PRDM10: variants seen among roughly 807,000 people sequenced by gnomAD.
PRDM10 encodes the protein PR domain zinc finger protein 10.
PRDM10 carries 65 observed loss-of-function variants against 133.1 expected under a neutral mutation model. That is an observed-to-expected ratio of 0.49 (90% CI 0.40 to 0.60). PRDM10 has a LOEUF of 0.60. Ranked by LOEUF, PRDM10 falls within the 20% of genes least tolerant of loss-of-function variation. PRDM10 has a pLI of 0.00. For synonymous variants in PRDM10, 582 were observed against 580.4 expected (o/e 1.00, Z -0.04); for missense variants, 1,137 against 1,507.1 (o/e 0.75, Z 4.07).
rs528492234 is a variant in PRDM10, at chr11:129,937,747, C to T, written c.967-77G>A. On this transcript the variant is annotated intron_variant, in intron 7 of 20. Transcript: ENST00000360871. ...TTGCATGCTTAAATTATTTCTCCTG[C>T]TTACAGGAAACAATTCAGGCTTTTC... The T allele has an allele frequency of 4.8e-5, 64 of 1,321,982 alleles. 1 individual carries two copies. The South Asian group carries it at 7.9e-4, about 16-fold the overall frequency. 81.9% of individuals were successfully genotyped at this position (1,321,982 alleles called of 1,614,324 possible). A position where few individuals can be genotyped will look rare whatever the true frequency, so the allele number is the denominator to read the frequency against.
At chr11:129,939,476 G>C (rs1951139776) in intron 7 of PRDM10, among the ~76,000 whole-genome samples, 1 of 152,092 alleles carries the variant, frequency 6.6e-6, no homozygotes, top group Non-Finnish European at 1.5e-5. Context: ...TCAATTCCAA[G>C]GTGTATTTTT....
intron 6 of PRDM10, among the ~76,000 whole-genome samples, chr11:129,943,857 A>G (rs1344815233): frequency 6.6e-6 from 1 of 151,928 alleles, no homozygotes; most frequent in Non-Finnish European, 1.5e-5. Flanking sequence ...GCTGGGCGTG[A>G]TGGCAGGCAC....
intron 19 of PRDM10, among the ~76,000 whole-genome samples, chr11:129,908,096 C>G (rs1301239764): frequency 6.6e-6 from 1 of 151,902 alleles, no homozygotes; most frequent in Non-Finnish European, 1.5e-5. Context: ...AAGACCCTCT[C>G]TCTTAAAAAA....
At chr11:129,948,439 C>T (rs1951490521) in intron 4 of PRDM10, among the ~76,000 whole-genome samples, 1 of 152,150 alleles carries the variant, frequency 6.6e-6, no homozygotes, top group Admixed American at 6.5e-5. Context: ...CCCAGTGAAC[C>T]GCCTTTGATG....
At chr11:129,902,628 T>C in intron 20 of PRDM10, 112 bp from the exon 21 acceptor site, 2 of 1,448,018 alleles carry the variant, frequency 1.4e-6, no homozygotes, top group South Asian at 1.4e-5. Flanking sequence ...AAAATAGGCA[T>C]CTATGAGAGA....
intron 20 of PRDM10, 35 bp from the exon 21 acceptor site, chr11:129,902,551 G>A (rs976946854): frequency 1.3e-5 from 20 of 1,593,974 alleles, no homozygotes; most frequent in Non-Finnish European, 1.6e-5. Context: ...TAAAAACTTG[G>A]GGCCTTAAAG....
In PRDM10 at chr11:129,927,176, CAAAAAAAAAAAAAAAAAAAAAAA is replaced by C. The variant is rs57015735; in HGVS notation, c.1531-1970_1531-1948del. On this transcript the variant is annotated intron_variant, in intron 11 of 20. Transcript: ENST00000360871. ...TGGAGGTTGCAGTGAGACTCTGTCT[CAAAAAAAAAAAAAAAAAAAAAAA>C]AAAAAAAAAAAAAAAAGCATAGTTT... Among the ~76,000 whole-genome samples, 400 of 79,364 alleles carry C rather than the reference CAAAAAAAAAAAAAAAAAAAAAAA, an allele frequency of 5.0e-3. 2 individuals are homozygous for C. The highest frequency in any genetic ancestry group is 0.016 in the African/African-American group (370 of 23,138). The allele number at this position is 79,364 out of a possible 152,430, so 52.1% of individuals were successfully genotyped here. A position where few individuals can be genotyped will look rare whatever the true frequency, so the allele number is the denominator to read the frequency against.
chr11:129,924,914 T>C lies in PRDM10; in HGVS notation c.1846A>G (p.Thr616Ala), dbSNP rs372612223. The C allele has an allele frequency of 1.1e-5, 17 of 1,611,632 alleles. No homozygotes were observed. The highest frequency in any genetic ancestry group is 1.7e-5 in the Admixed American group (1 of 59,642). Residue 616 changes from threonine (T) to alanine (A), a missense_variant, in exon 12 of 21, where the codon ACT (threonine) becomes GCT (alanine). Physicochemically the swap from Thr to Ala is moderately conservative, Grantham distance 58. This residue lies in a region of PRDM10 where 635 missense variants were observed against 835.2 expected (regional missense o/e 0.76). Transcript: ENST00000360871. ...AAATCTGGGAACCGTTTCTTACAAG[T>C]TGGGCAGGTGAAGTAGCCATCATTG... ...HINDGYFTCP[T>A]CKKRFPDFIQ... is the part of the protein sequence containing the mutation.
rs529766845 is a variant in PRDM10, at chr11:129,919,808, T to C, written c.2035-1090A>G. ...GCACATTTACTCAACAAATATTCCT[T>C]GAGGGCCTACCCAGTATCAGGGAGC... On this transcript the variant is annotated intron_variant, in intron 13 of 20. Coordinates refer to ENST00000360871, the MANE Select transcript of PRDM10 (RefSeq NM_199437.2). Among the ~76,000 whole-genome samples, 18 of 152,334 alleles carry C rather than the reference T, an allele frequency of 1.2e-4. No individual in the cohort carries two copies. In the South Asian group the frequency reaches 3.5e-3, roughly 30 times the overall value.
chr11:129,979,806 T>C (rs1432152328), intron 1 of PRDM10, among the ~76,000 whole-genome samples: 3 of 152,184 alleles, frequency 2.0e-5, no homozygotes, highest in Admixed American at 6.5e-5. Flanking sequence ...TCTAACTGCC[T>C]TCACAGCCCT....
intron 1 of PRDM10, among the ~76,000 whole-genome samples, chr11:129,989,000 A>G (rs142021778): frequency 6.6e-6 from 1 of 152,344 alleles, no homozygotes; most frequent in African/African-American, 2.4e-5. Flanking sequence ...ACCAGTAACT[A>G]TGAGAGAGAC....
At chr11:129,934,310 C>T (rs1950960875) in intron 9 of PRDM10, among the ~76,000 whole-genome samples, 1 of 152,180 alleles carries the variant, frequency 6.6e-6, no homozygotes, top group Non-Finnish European at 1.5e-5. Flanking sequence ...TATGGTACTT[C>T]CCTAGAACAT....
intron 1 of PRDM10, among the ~76,000 whole-genome samples, chr11:129,976,291 A>T (rs1489696853): frequency 6.6e-6 from 1 of 152,010 alleles, no homozygotes; most frequent in Non-Finnish European, 1.5e-5. Flanking sequence ...TCCATACCCC[A>T]CTGGCCAACT....
At chr11:129,927,885 G>C (rs1400870398) in intron 11 of PRDM10, among the ~76,000 whole-genome samples, 1 of 151,470 alleles carries the variant, frequency 6.6e-6, no homozygotes, top group Non-Finnish European at 1.5e-5. Flanking sequence ...AAGAAATCAT[G>C]ACAAATGTCG....
intron 7 of PRDM10, 108 bp from the exon 8 acceptor site, chr11:129,937,778 C>T (rs1241920344): frequency 8.7e-6 from 8 of 914,382 alleles, no homozygotes; most frequent in East Asian, 8.3e-5. Context: ...TTTTCCACAG[C>T]CCATTAACAA....
intron 1 of PRDM10, among the ~76,000 whole-genome samples, chr11:129,988,920 C>CAT (rs1938582620): frequency 2.0e-5 from 3 of 152,098 alleles, no homozygotes; most frequent in Non-Finnish European, 4.4e-5. Context: ...TGAGCCACTG[C>CAT]GCCCGGCCAA....
intron 1 of PRDM10, among the ~76,000 whole-genome samples, chr11:129,989,214 A>G (rs1938597993): frequency 6.6e-6 from 1 of 151,768 alleles, no homozygotes; most frequent in Admixed American, 6.6e-5. Flanking sequence ...CTGAGGGGGG[A>G]TGATGGCTTT....
chr11:129,964,253 CAG>C (rs1325643794), intron 1 of PRDM10, among the ~76,000 whole-genome samples: 1 of 152,156 alleles, frequency 6.6e-6, no homozygotes, highest in African/African-American at 2.4e-5. Context: ...ACACACAGCC[CAG>C]AGAGTCTTTT....
intron 19 of PRDM10, among the ~76,000 whole-genome samples, chr11:129,906,076 T>C (rs1479570037): frequency 6.6e-6 from 1 of 152,240 alleles, no homozygotes; most frequent in Admixed American, 6.5e-5. Context: ...TATTCAGATT[T>C]GAATTTGTGA....
Sources: allele counts gnomAD v4.1 joint callset (sites outside exome capture counted in the v4.1 genomes callset), GRCh38; gene constraint gnomAD v4.1.1; regional missense constraint gnomAD v4.1.1; transcripts MANE v1.5; gene names NCBI Gene and HGNC (gene_info 2026-07-23, HGNC 2026-07-21).